Variants in ZNF385D observed in about 807,000 individuals in gnomAD.
The protein encoded by ZNF385D is zinc finger protein 385D.
In ZNF385D, 15 loss-of-function variants were observed where a neutral mutation model predicts 35.8. That is an observed-to-expected ratio of 0.42 (90% CI 0.28 to 0.64). The LOEUF is 0.64. Ranked by LOEUF, ZNF385D falls within the 30% of genes least tolerant of loss-of-function variation. The probability of loss-of-function intolerance (pLI) is 0.23; values close to 1 mark genes in which losing one functional copy is unlikely to be tolerated. For missense variants in ZNF385D, 474 were observed against 494.6 expected, an observed-to-expected ratio of 0.96 and a Z score of 0.39; for synonymous variants, 212 against 186.8, an observed-to-expected ratio of 1.13 and a Z score of -1.10.
At chr3:22,305,237 A>T (rs766381893) in intron 2 of ZNF385D, among the ~76,000 whole-genome samples, 3 of 152,038 alleles carry the variant, frequency 2.0e-5, no homozygotes, top group Non-Finnish European at 4.4e-5. Flanking sequence ...TCTCCTATTT[A>T]TCTCCTTAAC....
At chr3:21,627,233 C>G (rs1226805774) in intron 2 of ZNF385D, among the ~76,000 whole-genome samples, 2 of 140,976 alleles carry the variant, frequency 1.4e-5, no homozygotes, top group African/African-American at 5.3e-5. Context: ...TATGCTGGTT[C>G]AAAGAGGTGT....
chr3:21,501,999 TACTC>T (rs1370664252), intron 4 of ZNF385D, among the ~76,000 whole-genome samples: 3 of 152,326 alleles, frequency 2.0e-5, no homozygotes, highest in South Asian at 2.1e-4. Context: ...TGTATACACA[TACTC>T]ACATGCATAT....
Position 22,069,485 on chromosome 3 carries a change from G to C in ZNF385D, c.325+99332C>G, listed in dbSNP as rs148619684. On this transcript the variant is annotated intron_variant, in intron 3 of 5. Coordinates refer to the ZNF385D transcript ENST00000494108. ...ATGTATAGTGCATAGGCAATATAAA[G>C]GTAACATAAACAATAATAATGGCAT... Among the ~76,000 whole-genome samples, 9 of 152,236 alleles carry C rather than the reference G, an allele frequency of 5.9e-5. No individual in the cohort carries two copies. In the East Asian group the frequency reaches 1.7e-3, roughly 29 times the overall value.
intron 3 of ZNF385D, among the ~76,000 whole-genome samples, chr3:22,045,541 T>C (rs776102740): frequency 6.6e-6 from 1 of 152,162 alleles, no homozygotes; most frequent in Non-Finnish European, 1.5e-5. Flanking sequence ...GCAAGGTATT[T>C]AGAAATTCAG....
chr3:21,890,694 G>C (rs1297567191), intron 3 of ZNF385D, among the ~76,000 whole-genome samples: 2 of 152,144 alleles, frequency 1.3e-5, no homozygotes, highest in African/African-American at 4.8e-5. Context: ...TATGAGAAAA[G>C]ATGCTATTTT....
rs562729331 is a variant in ZNF385D at position 22,338,698 on chromosome 3, A to ATTTTT, written c.106+33747_106+33751dup. Among the ~76,000 whole-genome samples, 255 of 125,406 alleles carry ATTTTT rather than the reference A, an allele frequency of 2.0e-3. 6 individuals are homozygous for ATTTTT. The highest frequency in any genetic ancestry group is 7.7e-3 in the African/African-American group (246 of 31,804). 82.3% of individuals were successfully genotyped at this position (125,406 alleles called of 152,430 possible). On this transcript the variant is annotated intron_variant, in intron 2 of 5. Coordinates refer to the ZNF385D transcript ENST00000494108. ...ATGTGCAGCAAAACATATTCATCTC[A>ATTTTT]TTTTTTTTTTTTTTTTTTTTGAAGT... is the stretch of plus-strand genomic sequence containing the variant.
At chr3:21,796,578 C>T (rs538896756) in intron 3 of ZNF385D, among the ~76,000 whole-genome samples, 27 of 152,254 alleles carry the variant, frequency 1.8e-4, no homozygotes, top group African/African-American at 6.0e-4. Flanking sequence ...GGAATCTACA[C>T]ACAGACCTTC....
At chr3:22,038,627 A>G (rs921750854) in intron 3 of ZNF385D, among the ~76,000 whole-genome samples, 1 of 152,150 alleles carries the variant, frequency 6.6e-6, no homozygotes, top group African/African-American at 2.4e-5. Context: ...CAGTTTAATC[A>G]AAAGTTTGAA....
At chr3:21,441,505 A>G (rs7625365) in intron 4 of ZNF385D, among the ~76,000 whole-genome samples, 50,551 of 151,934 alleles carry the variant, frequency 0.33, 10,322 homozygotes, top group African/African-American at 0.57. Flanking sequence ...AATTGAATTC[A>G]TCCTGATTTA....
chr3:21,657,987 G>A (rs2125239235), intron 2 of ZNF385D, among the ~76,000 whole-genome samples: 1 of 151,582 alleles, frequency 6.6e-6, no homozygotes, highest in South Asian at 2.1e-4. Flanking sequence ...TTTTAAAGAT[G>A]AAGGAGACAA....
At chr3:22,208,680 T>C (rs1248996377) in intron 2 of ZNF385D, among the ~76,000 whole-genome samples, 1 of 151,114 alleles carries the variant, frequency 6.6e-6, no homozygotes, top group African/African-American at 2.4e-5. Context: ...ACCCCATAAA[T>C]ATACACACCT....
At chr3:21,582,310 A>T (rs1318918266) in intron 2 of ZNF385D, among the ~76,000 whole-genome samples, 1 of 152,220 alleles carries the variant, frequency 6.6e-6, no homozygotes, top group African/African-American at 2.4e-5. Flanking sequence ...ATTAAATAAA[A>T]CAAAAACTGA....
chr3:22,029,080 A>G (rs1283150414), intron 3 of ZNF385D, among the ~76,000 whole-genome samples: 1 of 152,124 alleles, frequency 6.6e-6, no homozygotes, highest in Admixed American at 6.5e-5. Context: ...CTGCTGGCCT[A>G]GAGGTCTTAG....
At chr3:21,753,747 T>G (rs1305675308), upstream of ZNF385D, among the ~76,000 whole-genome samples, 1 of 135,710 alleles carries the variant, frequency 7.4e-6, no homozygotes, top group African/African-American at 2.9e-5. Context: ...ATACATTTAT[T>G]AAAAAATGCA....
chr3:21,914,559 A>C (rs1304438071), intron 3 of ZNF385D, among the ~76,000 whole-genome samples: 1 of 152,080 alleles, frequency 6.6e-6, no homozygotes. Context: ...ATTGGCATGA[A>C]GTCGAGATAC....
At chr3:21,719,041 G>C (rs1053282695) in intron 1 of ZNF385D, among the ~76,000 whole-genome samples, 5 of 152,116 alleles carry the variant, frequency 3.3e-5, no homozygotes, top group Non-Finnish European at 1.5e-5. Flanking sequence ...AATTTTCCTT[G>C]TAGTAGCTAT....
intron 2 of ZNF385D, among the ~76,000 whole-genome samples, chr3:21,616,703 C>T (rs2064856816): frequency 6.6e-6 from 1 of 152,112 alleles, no homozygotes; most frequent in Admixed American, 6.5e-5. Flanking sequence ...CATCTCTAAA[C>T]AATAGTGAAC....
At chr3:21,686,202 T>G (rs1392121492) in intron 1 of ZNF385D, among the ~76,000 whole-genome samples, 1 of 152,204 alleles carries the variant, frequency 6.6e-6, no homozygotes, top group East Asian at 1.9e-4. Context: ...AGTGTACAAA[T>G]GTGTACTCAA....
chr3:21,564,274 C>G (rs1292521180), intron 3 of ZNF385D, among the ~76,000 whole-genome samples: 1 of 151,832 alleles, frequency 6.6e-6, no homozygotes, highest in Non-Finnish European at 1.5e-5. Context: ...TTTACTGTTC[C>G]CAAAGGCAAA....
Sources: allele counts gnomAD v4.1 joint callset (sites outside exome capture counted in the v4.1 genomes callset), GRCh38; gene constraint gnomAD v4.1.1; transcripts MANE v1.5; gene names NCBI Gene and HGNC (gene_info 2026-07-23, HGNC 2026-07-21).